Variants in IGFBP3 observed in about 807,000 individuals in gnomAD.
IGFBP3 encodes insulin like growth factor binding protein 3, also known as insulin-like growth factor-binding protein 3.
Under a neutral mutation model 28.6 loss-of-function variants are expected in IGFBP3, and 9 were observed. The ratio of observed to expected loss-of-function variants is 0.31; its 90% CI spans 0.19 to 0.55. The LOEUF (loss-of-function observed/expected upper bound fraction) is 0.55. IGFBP3 is among the 20% of genes least tolerant of loss of function. IGFBP3 has a pLI of 0.93. For synonymous variants in IGFBP3, 185 were observed against 188.2 expected (o/e 0.98, Z 0.14); for missense variants, 382 against 428.9 (o/e 0.89, Z 0.97).
In IGFBP3 at chr7:45,916,662, G is replaced by C. The variant is rs368399669; in HGVS notation, c.636C>G (p.Pro212=). The change falls in exon 3 of 5, where the codon CCC becomes CCG. Residue 212 remains proline, a synonymous_variant. Coordinates refer to ENST00000613132, the MANE Select transcript of IGFBP3 (RefSeq NM_000598.5). ...SESKRETEYG[P]CRREMEDTLN... ...GTGTGTCTTCCATTTCTCTACGGCAGGGACCCTGGGGATCAGGAAGGACCA... is the reference window on the plus strand; with the variant it reads ...GTGTGTCTTCCATTTCTCTACGGCACGGACCCTGGGGATCAGGAAGGACCA... The C allele has an allele frequency of 1.4e-5, 23 of 1,612,362 alleles. No individual in the cohort carries two copies. The Middle Eastern group carries it at 6.6e-4, about 46-fold the overall frequency.
chr7:45,920,662 C>CA, intron 1 of IGFBP3, 76 bp downstream of exon 1: 1 of 1,246,792 alleles, frequency 8.0e-7, no homozygotes, highest in Non-Finnish European at 1.0e-6. Context: ...CCCGCAGCGG[C>CA]ACCCAGCAAC....
intron 3 of IGFBP3, 181 bp from the exon 4 acceptor site, chr7:45,915,126 C>A: frequency 1.6e-6 from 1 of 620,426 alleles, no homozygotes; most frequent in Non-Finnish European, 2.7e-6. Context: ...TGCGCCTGTG[C>A]ATGCGTGTGG....
intron 3 of IGFBP3, 51 bp from the exon 4 acceptor site, chr7:45,914,996 T>G (rs756130925): frequency 1.2e-6 from 2 of 1,606,858 alleles, no homozygotes; most frequent in Admixed American, 3.3e-5. Context: ...GGGTCTGGTG[T>G]CAGGTCGGTG....
chr7:45,916,747 C>T lies in IGFBP3; in HGVS notation c.631-80G>A, dbSNP rs1784614067. 10 of 1,480,812 alleles carry T rather than the reference C, an allele frequency of 6.8e-6. No individual in the cohort carries two copies. The South Asian group carries it at 1.1e-4, about 16-fold the overall frequency. The allele number at this position is 1,480,812 out of a possible 1,614,324, so 91.7% of individuals were successfully genotyped here. On this transcript the variant is annotated intron_variant, in intron 2 of 4. Coordinates refer to ENST00000613132, the MANE Select transcript of IGFBP3 (RefSeq NM_000598.5). ...GTGCTTTAAAAATCTTACGATGCTG[C>T]ACAACTACCAAAAGTGGGACCTGTA... is the stretch of plus-strand genomic sequence containing the variant.
In IGFBP3 at chr7:45,913,517, G is replaced by T. The variant is rs1378352339; in HGVS notation, c.*333C>A. ...AGCCGCCTAAGTCACAAAGTCAGTGGTCGGCCGCTTCGACCAACATGTGGT... is the reference window on the plus strand; with the variant it reads ...AGCCGCCTAAGTCACAAAGTCAGTGTTCGGCCGCTTCGACCAACATGTGGT... On this transcript the variant is annotated 3_prime_UTR_variant, in exon 5 of 5. Coordinates refer to ENST00000613132, the MANE Select transcript of IGFBP3 (RefSeq NM_000598.5). 6.6e-6 allele frequency: 1 copy of T among 152,242 alleles called. No individual in the cohort carries two copies. The highest frequency in any genetic ancestry group is 1.5e-5 in the Non-Finnish European group (1 of 68,088). The allele number at this position is 152,242 out of a possible 1,614,324, so 9.4% of individuals were successfully genotyped here.
At chr7:45,916,703 A>C (rs1380658685) in intron 2 of IGFBP3, 36 bp from the exon 3 acceptor site, 3 of 1,591,158 alleles carry the variant, frequency 1.9e-6, no homozygotes, top group Non-Finnish European at 2.6e-6. Flanking sequence ...ACAGAGTCAC[A>C]GTTTTTACTC....
chr7:45,913,467 A>G lies in IGFBP3; in HGVS notation c.*383T>C, dbSNP rs917345908. The G allele has an allele frequency of 6.6e-6, 1 of 152,206 alleles. No homozygotes were observed. The highest frequency in any genetic ancestry group is 2.4e-5 in the African/African-American group (1 of 41,436). 9.4% of individuals were successfully genotyped at this position (152,206 alleles called of 1,614,324 possible). A position where few individuals can be genotyped will look rare whatever the true frequency, so the allele number is the denominator to read the frequency against. On this transcript the variant is annotated 3_prime_UTR_variant, in exon 5 of 5. Transcript: ENST00000613132. ...CGCACTGTACGGGGAGTGGGGGTGA[A>G]GCGTGTTCTCTACATAGGCAACACA...
intron 1 of IGFBP3, among the ~76,000 whole-genome samples, chr7:45,917,857 G>A (rs1296520298): frequency 1.3e-5 from 2 of 152,164 alleles, no homozygotes; most frequent in Admixed American, 1.3e-4. Flanking sequence ...CGGGAGCAGC[G>A]GCAGCCCGGG....
intron 1 of IGFBP3, among the ~76,000 whole-genome samples, chr7:45,919,839 T>G (rs1272548431): frequency 6.6e-6 from 1 of 152,144 alleles, no homozygotes; most frequent in Non-Finnish European, 1.5e-5. Flanking sequence ...CTGATACTGA[T>G]AGTGGCTAAG....
chr7:45,917,119 G>C lies in IGFBP3; in HGVS notation c.630+94C>G, dbSNP rs927267696. ...TTGCCCACCCATCAGCCAGGCGCTGGGGTTTGTTGAGTAAGAATTGCCCTC... is the reference window on the plus strand; with the variant it reads ...TTGCCCACCCATCAGCCAGGCGCTGCGGTTTGTTGAGTAAGAATTGCCCTC... On this transcript the variant is annotated intron_variant, in intron 2 of 4. Transcript: ENST00000613132. 9 of 1,000,192 alleles carry C rather than the reference G, an allele frequency of 9.0e-6. No homozygotes were observed. The Middle Eastern group carries it at 1.5e-3, about 167-fold the overall frequency. The allele number at this position is 1,000,192 out of a possible 1,614,324, so 62.0% of individuals were successfully genotyped here. A position where few individuals can be genotyped will look rare whatever the true frequency, so the allele number is the denominator to read the frequency against.
At chr7:45,915,113 G>C in intron 3 of IGFBP3, 168 bp from the exon 4 acceptor site, 1 of 674,624 alleles carries the variant, frequency 1.5e-6, no homozygotes, top group Non-Finnish European at 2.5e-6. Context: ...GGCCCGCTGA[G>C]TGTGCGCCTG....
Position 45,920,952 on chromosome 7 carries a change from G to C in IGFBP3, c.189C>G (p.Arg63=), listed in dbSNP as rs1784679559. 3 of 1,385,514 alleles carry C rather than the reference G, an allele frequency of 2.2e-6. No individual in the cohort carries two copies. Among genetic ancestry groups the C allele is most frequent in the Non-Finnish European group, 2.8e-6 (3 of 1,075,662 alleles). 85.8% of individuals were successfully genotyped at this position (1,385,514 alleles called of 1,614,324 possible). The change falls in exon 1 of 5, where the codon CGC becomes CGG. Residue 63 remains arginine, a synonymous_variant. Transcript: ENST00000613132. ...TCAGGCAGCAGCCGCAGCCCGGCTC[G>C]CGCACCAGCTCCGCGCACACGGCGG... ...PPPAVCAELV[R]EPGCGCCLTC... is the part of the protein sequence containing the mutation.
chr7:45,920,672 C>T, intron 1 of IGFBP3, 66 bp downstream of exon 1: 1 of 1,289,510 alleles, frequency 7.8e-7, no homozygotes, highest in Non-Finnish European at 9.9e-7. Flanking sequence ...CACCCAGCAA[C>T]CCCCAGGCCC....
Position 45,920,925 on chromosome 7 carries a change from C to T in IGFBP3, c.216G>A (p.Thr72=). 2.1e-6 allele frequency: 3 copies of T among 1,413,534 alleles called. No homozygotes were observed. Among genetic ancestry groups the T allele is most frequent in the Non-Finnish European group, 1.8e-6 (2 of 1,089,618 alleles). The allele number at this position is 1,413,534 out of a possible 1,614,324, so 87.6% of individuals were successfully genotyped here. A position where few individuals can be genotyped will look rare whatever the true frequency, so the allele number is the denominator to read the frequency against. Reference sequence around the variant, plus strand: ...ACGGCTGGCCCTCGCTCAGTGCGCACGTCAGGCAGCAGCCGCAGCCCGGCT... The same window carrying T: ...ACGGCTGGCCCTCGCTCAGTGCGCATGTCAGGCAGCAGCCGCAGCCCGGCT... ...VREPGCGCCL[T]CALSEGQPCG... The change falls in exon 1 of 5, where the codon ACG becomes ACA. Residue 72 remains threonine (T), a synonymous_variant. Coordinates refer to ENST00000613132, the MANE Select transcript of IGFBP3 (RefSeq NM_000598.5).
chr7:45,919,563 T>C (rs1562581972), intron 1 of IGFBP3, among the ~76,000 whole-genome samples: 1 of 152,162 alleles, frequency 6.6e-6, no homozygotes. Flanking sequence ...GCTACATAAA[T>C]TATAAAGGGA....
chr7:45,918,166 C>T (rs188636837), intron 1 of IGFBP3, among the ~76,000 whole-genome samples: 3 of 152,238 alleles, frequency 2.0e-5, no homozygotes, highest in Admixed American at 2.0e-4. Flanking sequence ...CTTGCTGGTG[C>T]CTGCCTAAGT....
At chr7:45,915,542 A>G (rs753211203) in intron 3 of IGFBP3, among the ~76,000 whole-genome samples, 1 of 152,216 alleles carries the variant, frequency 6.6e-6, no homozygotes, top group Non-Finnish European at 1.5e-5. Context: ...AGCCAATTGA[A>G]ATAGTGCCAT....
intron 4 of IGFBP3, chr7:45,914,497 A>G: frequency 5.1e-6 from 1 of 196,616 alleles, no homozygotes; most frequent in Non-Finnish European, 1.0e-5. Context: ...CCTAACTTTG[A>G]AAATCTTCAC....
rs946285985 is a variant in IGFBP3, at chr7:45,913,417, T to C, written c.*433A>G. The C allele has an allele frequency of 6.6e-6, 1 of 152,172 alleles. No individual in the cohort carries two copies. Among genetic ancestry groups the C allele is most frequent in the African/African-American group, 2.4e-5 (1 of 41,404 alleles). 9.4% of individuals were successfully genotyped at this position (152,172 alleles called of 1,614,324 possible). ...GTCCGGATGACCGGGGTTTAAAGGT[T>C]TTCCTATTCTCGATAAAGCCTGTGC... On this transcript the variant is annotated 3_prime_UTR_variant, in exon 5 of 5. Coordinates refer to ENST00000613132, the MANE Select transcript of IGFBP3 (RefSeq NM_000598.5).
Sources: gnomAD v4.1 joint callset for allele counts (sites outside exome capture counted in the v4.1 genomes callset) on GRCh38, gnomAD v4.1.1 for gene constraint, MANE v1.5 for transcripts, NCBI Gene and HGNC (gene_info 2026-07-23, HGNC 2026-07-21) for gene names.